Variants in UBE2E2 observed in about 807,000 individuals in gnomAD.
UBE2E2 encodes ubiquitin conjugating enzyme E2 E2.
UBE2E2 carries 6 observed loss-of-function variants against 24.7 expected under a neutral mutation model. The ratio of observed to expected loss-of-function variants is 0.24; its 90% CI spans 0.13 to 0.48. The LOEUF is 0.48. UBE2E2 is among the 20% of genes least tolerant of loss of function. The pLI is 0.99. For missense variants in UBE2E2, 169 were observed against 245.0 expected (o/e 0.69, Z 2.07); for synonymous variants, 104 against 83.6 (o/e 1.24, Z -1.33).
At chr3:23,568,472 A>G (rs945628366) in intron 5 of UBE2E2, among the ~76,000 whole-genome samples, 5 of 151,770 alleles carry the variant, frequency 3.3e-5, no homozygotes, top group Non-Finnish European at 5.9e-5. Context: ...CAGAAGAGAC[A>G]ATCAGGATAA....
intron 3 of UBE2E2, among the ~76,000 whole-genome samples, chr3:23,397,502 C>T (rs1697106718): frequency 6.6e-6 from 1 of 152,184 alleles, no homozygotes; most frequent in African/African-American, 2.4e-5. Flanking sequence ...TTCCCCCCTC[C>T]AAGAAATCTC....
intron 3 of UBE2E2, among the ~76,000 whole-genome samples, chr3:23,448,129 A>G (rs1698475227): frequency 6.6e-6 from 1 of 152,152 alleles, no homozygotes; most frequent in African/African-American, 2.4e-5. Flanking sequence ...ATCTGTGGAT[A>G]TCAGGGTCTT....
At chr3:23,539,249 C>T (rs1246539480) in intron 5 of UBE2E2, among the ~76,000 whole-genome samples, 2 of 152,150 alleles carry the variant, frequency 1.3e-5, no homozygotes, top group Non-Finnish European at 2.9e-5. Context: ...TCCAATTTGC[C>T]TTGGTGAAAA....
chr3:23,272,336 C>A (rs1158125483), intron 3 of UBE2E2, among the ~76,000 whole-genome samples: 11 of 152,076 alleles, frequency 7.2e-5, no homozygotes, highest in Non-Finnish European at 1.0e-4. Flanking sequence ...CCAGAACTTT[C>A]ACTGGCCCAA....
intron 3 of UBE2E2, among the ~76,000 whole-genome samples, chr3:23,463,527 C>T (rs1415666401): frequency 6.6e-6 from 1 of 152,016 alleles, no homozygotes; most frequent in African/African-American, 2.4e-5. Context: ...GAACATTTAG[C>T]CTGTGGGACC....
chr3:23,539,422 C>A (rs998761563), intron 5 of UBE2E2, among the ~76,000 whole-genome samples: 5 of 152,244 alleles, frequency 3.3e-5, no homozygotes, highest in South Asian at 4.1e-4. Flanking sequence ...ATATGGGATA[C>A]CTTAAAAAGT....
chr3:23,386,445 C>T (rs1696807355), intron 3 of UBE2E2, among the ~76,000 whole-genome samples: 2 of 152,130 alleles, frequency 1.3e-5, no homozygotes, highest in Non-Finnish European at 2.9e-5. Context: ...GGGACACGAA[C>T]ATTCGGACCA....
At chr3:23,454,416 A>T (rs1004564103) in intron 3 of UBE2E2, among the ~76,000 whole-genome samples, 1 of 152,200 alleles carries the variant, frequency 6.6e-6, no homozygotes, top group African/African-American at 2.4e-5. Context: ...TAAGACCTTT[A>T]AGGGAGGTCT....
intron 3 of UBE2E2, among the ~76,000 whole-genome samples, chr3:23,438,740 A>G (rs1298056565): frequency 6.6e-6 from 1 of 152,242 alleles, no homozygotes. Flanking sequence ...CATGTGGTCC[A>G]TCCCACATAT....
At chr3:23,306,378 G>A (rs565768773) in intron 3 of UBE2E2, among the ~76,000 whole-genome samples, 2 of 152,180 alleles carry the variant, frequency 1.3e-5, no homozygotes, top group Non-Finnish European at 2.9e-5. Flanking sequence ...CAGTAGTTTA[G>A]TTGTGGCTTG....
At chr3:23,305,657 T>A (rs1699219210) in intron 3 of UBE2E2, among the ~76,000 whole-genome samples, 1 of 152,200 alleles carries the variant, frequency 6.6e-6, no homozygotes, top group African/African-American at 2.4e-5. Context: ...AAAATCATGG[T>A]TATAAGCCTT....
intron 3 of UBE2E2, among the ~76,000 whole-genome samples, chr3:23,298,037 C>A (rs914116491): frequency 5.9e-5 from 9 of 151,660 alleles, no homozygotes; most frequent in Non-Finnish European, 1.3e-4. Context: ...ATATTTTATT[C>A]TCTTTGAAGC....
chr3:23,364,952 C>A (rs1241975339), intron 3 of UBE2E2, among the ~76,000 whole-genome samples: 1 of 152,114 alleles, frequency 6.6e-6, no homozygotes, highest in Non-Finnish European at 1.5e-5. Flanking sequence ...TCCTGGGATG[C>A]AAAGTTAGTT....
rs879738832 is a variant in UBE2E2, at chr3:23,283,213, C to CT, written c.227+65912dup. Among the ~76,000 whole-genome samples, 149 of 147,502 alleles carry CT rather than the reference C, an allele frequency of 1.0e-3. 2 individuals are homozygous for CT. In the South Asian group the frequency reaches 0.026, roughly 26 times the overall value. On this transcript the variant is annotated intron_variant, in intron 3 of 5. Transcript: ENST00000396703. ...TGCCCTGAAGGCAACCAGTAAAAAA[C>CT]TTTTTTTTTTTCATGTAGAAAATTT...
intron 3 of UBE2E2, among the ~76,000 whole-genome samples, chr3:23,421,073 C>G (rs1339057443): frequency 1.3e-5 from 2 of 152,208 alleles, no homozygotes; most frequent in Non-Finnish European, 2.9e-5. Context: ...TTGGAAGGGA[C>G]ATGATCTACT....
At chr3:23,382,089 C>T (rs1286120612) in intron 3 of UBE2E2, among the ~76,000 whole-genome samples, 3 of 151,586 alleles carry the variant, frequency 2.0e-5, no homozygotes, top group African/African-American at 4.9e-5. Flanking sequence ...TTATGATTGT[C>T]AGTTTATGAT....
chr3:23,264,306 C>G (rs537123781), intron 3 of UBE2E2, among the ~76,000 whole-genome samples: 7 of 149,918 alleles, frequency 4.7e-5, no homozygotes, highest in African/African-American at 1.5e-4. Context: ...ATAGCTGGAC[C>G]GTGAGTTTGA....
intron 5 of UBE2E2, among the ~76,000 whole-genome samples, chr3:23,580,920 T>G (rs761449708): frequency 6.6e-5 from 10 of 152,062 alleles, no homozygotes; most frequent in Non-Finnish European, 1.2e-4. Context: ...CTTTACAAAA[T>G]ATCTTAAGTT....
At chr3:23,373,563 G>A (rs1000545238) in intron 3 of UBE2E2, among the ~76,000 whole-genome samples, 1 of 152,198 alleles carries the variant, frequency 6.6e-6, no homozygotes, top group Non-Finnish European at 1.5e-5. Context: ...ATTTCACTAT[G>A]TATAGCAGGG....
Sources: gnomAD v4.1 joint callset for allele counts (sites outside exome capture counted in the v4.1 genomes callset) on GRCh38, gnomAD v4.1.1 for gene constraint, MANE v1.5 for transcripts, NCBI Gene and HGNC (gene_info 2026-07-23, HGNC 2026-07-21) for gene names.